The following BCAR3 variants were observed in gnomAD, a reference collection of about 807,000 sequenced individuals.
BCAR3 encodes the protein breast cancer anti-estrogen resistance protein 3.
In BCAR3, 37 loss-of-function variants were observed where a neutral mutation model predicts 80.1. The ratio of observed to expected loss-of-function variants is 0.46; its 90% CI spans 0.36 to 0.61. The LOEUF is 0.61. Ranked by LOEUF, BCAR3 falls within the 20% of genes least tolerant of loss-of-function variation. The pLI is 0.00. For synonymous variants in BCAR3, 389 were observed against 418.9 expected, an observed-to-expected ratio of 0.93 and a Z score of 0.87; for missense variants, 978 against 1,068.2, an observed-to-expected ratio of 0.92 and a Z score of 1.18.
At chr1:93,588,825 T>G (rs236319) in intron 5 of BCAR3, 152 bp downstream of exon 5, 1 of 894,182 alleles carries the variant, frequency 1.1e-6, no homozygotes, top group Non-Finnish European at 1.6e-6. Flanking sequence ...GGGAGCTAAT[T>G]GTTCACTGCC....
In BCAR3 at chr1:93,717,129, G is replaced by A. The variant is rs1380127289; in HGVS notation, c.-62-10987C>T. On this transcript the variant is annotated intron_variant, in intron 2 of 13. Transcript: ENST00000370244. ...TCTTAGATCTGTGCTGCTGCCATGT[G>A]AATAAGGCCAGGCTAGGCTGCTGAA... 3.3e-5 allele frequency among the ~76,000 whole-genome samples: 5 copies of A among 152,334 alleles called. No homozygotes were observed. In the South Asian group the frequency reaches 1.0e-3, roughly 32 times the overall value.
At chr1:93,755,501 C>T (rs1190824027) in intron 2 of BCAR3, among the ~76,000 whole-genome samples, 1 of 152,172 alleles carries the variant, frequency 6.6e-6, no homozygotes, top group Non-Finnish European at 1.5e-5. Flanking sequence ...TGTTTAGATA[C>T]ACAAATACTT....
intron 4 of BCAR3, among the ~76,000 whole-genome samples, chr1:93,589,798 G>A (rs1674096768): frequency 6.6e-6 from 1 of 152,228 alleles, no homozygotes; most frequent in South Asian, 2.1e-4. Flanking sequence ...GAGGCAGGAA[G>A]TGCCGGGGAG....
intron 3 of BCAR3, among the ~76,000 whole-genome samples, chr1:93,638,773 C>T (rs1266540167): frequency 2.6e-5 from 4 of 152,010 alleles, no homozygotes; most frequent in East Asian, 1.9e-4. Context: ...GAATCAATTA[C>T]GTTTGACCAC....
intron 4 of BCAR3, among the ~76,000 whole-genome samples, chr1:93,591,333 G>A (rs1189736969): frequency 3.9e-5 from 6 of 151,972 alleles, no homozygotes; most frequent in African/African-American, 1.5e-4. Context: ...AAGTTAGCAG[G>A]GCATGGTGGT....
At chr1:93,709,767 G>GA (rs1268216646) in intron 2 of BCAR3, among the ~76,000 whole-genome samples, 1 of 152,094 alleles carries the variant, frequency 6.6e-6, no homozygotes, top group East Asian at 1.9e-4. Context: ...TGTAGATTGG[G>GA]AAAAAAGTCT....
intron 2 of BCAR3, among the ~76,000 whole-genome samples, chr1:93,658,421 T>G (rs923714253): frequency 2.6e-5 from 4 of 151,998 alleles, no homozygotes; most frequent in Admixed American, 2.6e-4. Flanking sequence ...TATGCAGAGC[T>G]ACTAAGAGAG....
At chr1:93,644,421 A>T (rs146145597) in intron 2 of BCAR3, among the ~76,000 whole-genome samples, 161 of 152,328 alleles carry the variant, frequency 1.1e-3, no homozygotes, top group African/African-American at 3.8e-3. Context: ...AAAATGTTTA[A>T]ATTCACCTAC....
At chr1:93,738,565 G>A (rs927368990) in intron 2 of BCAR3, among the ~76,000 whole-genome samples, 1 of 152,212 alleles carries the variant, frequency 6.6e-6, no homozygotes, top group African/African-American at 2.4e-5. Flanking sequence ...ATGAGTCTCC[G>A]CCTGGCACTG....
intron 5 of BCAR3, among the ~76,000 whole-genome samples, 189 bp downstream of exon 5, chr1:93,588,788 A>G (rs1570938552): frequency 6.6e-6 from 1 of 151,506 alleles, no homozygotes; most frequent in Non-Finnish European, 1.5e-5. Context: ...CAGCTCCTGT[A>G]CCATTCATTG....
At chr1:93,624,429 T>A (rs1675399707) in intron 3 of BCAR3, among the ~76,000 whole-genome samples, 1 of 152,316 alleles carries the variant, frequency 6.6e-6, no homozygotes, top group East Asian at 1.9e-4. Context: ...AGTCCTTAGG[T>A]GGACATGGCC....
At chr1:93,707,003 C>T (rs1339581080) in intron 2 of BCAR3, among the ~76,000 whole-genome samples, 4 of 151,786 alleles carry the variant, frequency 2.6e-5, no homozygotes, top group Non-Finnish European at 5.9e-5. Context: ...GGTGAAACCC[C>T]GTCTCTACTA....
At chr1:93,808,650 C>T (rs1304904656) in intron 2 of BCAR3, among the ~76,000 whole-genome samples, 1 of 152,028 alleles carries the variant, frequency 6.6e-6, no homozygotes, top group South Asian at 2.1e-4. Context: ...TAGAGAACTA[C>T]ACAGTTTTCT....
chr1:93,683,770 T>C (rs546783857), upstream of BCAR3, among the ~76,000 whole-genome samples: 2 of 152,346 alleles, frequency 1.3e-5, no homozygotes, highest in East Asian at 1.9e-4. Context: ...AGTGGTTATA[T>C]TGAGCTGTGG....
chr1:93,764,493 AC>A (rs1652072989), intron 2 of BCAR3, among the ~76,000 whole-genome samples: 1 of 151,756 alleles, frequency 6.6e-6, no homozygotes, highest in African/African-American at 2.4e-5. Context: ...TACAGAGTCT[AC>A]CCTTGTGATA....
Position 93,582,459 on chromosome 1 carries a change from C to T in BCAR3, c.1528G>A (p.Glu510Lys). 6.2e-7 allele frequency: 1 copy of T among 1,614,160 alleles called. No individual in the cohort carries two copies. The highest frequency in any genetic ancestry group is 8.5e-7 in the Non-Finnish European group (1 of 1,180,024). ...DKGEFVTPLL[E>K]TVSSFRPNEF... is the part of the protein sequence containing the mutation. ...TTGGGCCTGAAGGAGGAGACAGTCT[C>T]CAGGAGGGGCGTCACAAACTCGCCC... Residue 510 changes from glutamate to lysine, a missense_variant, in exon 7 of 12, where the codon GAG becomes AAG. Glu to Lys is a moderately conservative substitution (Grantham distance 56, BLOSUM62 1). Transcript: ENST00000260502.
At chr1:93,776,243 G>T (rs578104274) in intron 2 of BCAR3, among the ~76,000 whole-genome samples, 1 of 152,116 alleles carries the variant, frequency 6.6e-6, no homozygotes, top group Non-Finnish European at 1.5e-5. Context: ...TTATAGGATA[G>T]AAAATGTCCG....
chr1:93,723,146 C>T (rs373499585), intron 2 of BCAR3, among the ~76,000 whole-genome samples: 35 of 152,290 alleles, frequency 2.3e-4, no homozygotes, highest in African/African-American at 8.4e-4. Context: ...ACTGACTTGG[C>T]CCCAGGAATA....
At chr1:93,664,067 G>A (rs1457968379) in intron 2 of BCAR3, among the ~76,000 whole-genome samples, 1 of 152,190 alleles carries the variant, frequency 6.6e-6, no homozygotes, top group Non-Finnish European at 1.5e-5. Context: ...GAGATTCTAA[G>A]GCCTGATTAC....
Sources: allele counts gnomAD v4.1 joint callset (sites outside exome capture counted in the v4.1 genomes callset), GRCh38; gene constraint gnomAD v4.1.1; transcripts MANE v1.5; gene names NCBI Gene and HGNC (gene_info 2026-07-23, HGNC 2026-07-21).